Variants in CHL1 observed in about 807,000 individuals in gnomAD.
CHL1 encodes cell adhesion molecule L1 like.
A neutral mutation model predicts 141.9 loss-of-function variants in CHL1; 96 were observed. That is an observed-to-expected ratio of 0.68 (90% CI 0.57 to 0.80). The LOEUF (loss-of-function observed/expected upper bound fraction) is 0.80. Ranked by LOEUF, CHL1 falls within the 30% of genes least tolerant of loss-of-function variation. The pLI is 0.00. For missense variants in CHL1, 1,820 were observed against 1,457.2 expected (o/e 1.25, Z -4.05); for synonymous variants, 613 against 502.2 (o/e 1.22, Z -2.95).
intron 11 of CHL1, among the ~76,000 whole-genome samples, chr3:356,648 A>G (rs1703742143): frequency 6.6e-6 from 1 of 152,052 alleles, no homozygotes; most frequent in Admixed American, 6.6e-5. Context: ...TTTACCTTTG[A>G]GTGGAGATGG....
intron 1 of CHL1, chr3:213,303 A>G (rs569917356): frequency 6.6e-6 from 1 of 152,192 alleles, no homozygotes; most frequent in Admixed American, 6.5e-5. Flanking sequence ...GCGCTGATAG[A>G]CTGTTCAAGG....
At chr3:351,477 A>G (rs1703251825) in intron 10 of CHL1, among the ~76,000 whole-genome samples, 1 of 152,176 alleles carries the variant, frequency 6.6e-6, no homozygotes, top group African/African-American at 2.4e-5. Context: ...GGAGGTAATA[A>G]ATAAAAACTT....
At chr3:242,372 A>T (rs9878425) in intron 1 of CHL1, among the ~76,000 whole-genome samples, 3 of 143,610 alleles carry the variant, frequency 2.1e-5, no homozygotes, top group African/African-American at 7.8e-5. Flanking sequence ...TGAGGGGGGC[A>T]GATCACGAGG....
chr3:348,586 T>C (rs899996225), intron 9 of CHL1, among the ~76,000 whole-genome samples: 2 of 152,228 alleles, frequency 1.3e-5, no homozygotes, highest in Non-Finnish European at 2.9e-5. Context: ...CAGTCCTTTT[T>C]TCCTCCTTAC....
chr3:386,723 A>C lies in CHL1; in HGVS notation c.2248-2529A>C, dbSNP rs139548348. Among the ~76,000 whole-genome samples, 222 of 152,314 alleles carry C rather than the reference A, an allele frequency of 1.5e-3. 1 individual carries two copies. The highest frequency in any genetic ancestry group is 6.8e-3 in the Middle Eastern group (2 of 294). On this transcript the variant is annotated intron_variant, in intron 19 of 27. Transcript: ENST00000256509. ...CTGGTTATATAATCGCATCCAAGAT[A>C]GTTAACTCCTAATGGATCTAGGTTT...
chr3:296,434 C>CTT lies in CHL1; in HGVS notation c.-94-23242_-94-23241dup, dbSNP rs5845962. Among the ~76,000 whole-genome samples the CTT allele has an allele frequency of 1.9e-3, 294 of 151,654 alleles. 1 individual carries two copies. Among genetic ancestry groups the CTT allele is most frequent in the Non-Finnish European group, 3.2e-3 (215 of 67,944 alleles). On this transcript the variant is annotated intron_variant, in intron 2 of 27. Transcript: ENST00000256509. ...TAAATCCTGTCGCCTTTCTCTCATG[C>CTT]TTTTTTTTCTTCCCTTTGTAATCAC...
At chr3:250,990 A>AAT (rs1350552606) in intron 2 of CHL1, among the ~76,000 whole-genome samples, 58 of 152,176 alleles carry the variant, frequency 3.8e-4, no homozygotes, top group Non-Finnish European at 6.8e-4. Flanking sequence ...TCTTATCCTC[A>AAT]TGAAGCTTAT....
intron 14 of CHL1, 52 bp downstream of exon 14, chr3:363,435 G>A (rs1299038333): frequency 1.3e-6 from 2 of 1,487,494 alleles, no homozygotes; most frequent in East Asian, 2.3e-5. Flanking sequence ...GGTTCAGTCT[G>A]TCTTCATTTG....
chr3:339,217 C>T, intron 5 of CHL1, among the ~76,000 whole-genome samples: 1 of 152,190 alleles, frequency 6.6e-6, no homozygotes, highest in East Asian at 1.9e-4. Flanking sequence ...GATTTGGGTA[C>T]ATAAACGTTT....
intron 1 of CHL1, chr3:197,768 C>T (rs779810062): frequency 4.4e-6 from 2 of 455,630 alleles, no homozygotes; most frequent in Non-Finnish European, 4.4e-6. Context: ...GAGGGCGCGC[C>T]GGGGGCCGTG....
intron 10 of CHL1, among the ~76,000 whole-genome samples, chr3:350,385 C>G (rs551178722): frequency 1.3e-3 from 202 of 152,284 alleles, no homozygotes; most frequent in African/African-American, 4.6e-3. Context: ...GGCTTTCTAT[C>G]TACAATGTAG....
intron 2 of CHL1, among the ~76,000 whole-genome samples, chr3:263,500 A>C (rs1694906185): frequency 6.6e-6 from 1 of 152,198 alleles, no homozygotes; most frequent in African/African-American, 2.4e-5. Flanking sequence ...TGAAATGTTC[A>C]TTTGTTACTG....
intron 1 of CHL1, among the ~76,000 whole-genome samples, chr3:241,623 T>C (rs1239342423): frequency 1.3e-5 from 2 of 152,050 alleles, no homozygotes; most frequent in Admixed American, 1.3e-4. Flanking sequence ...TAGAGTTTAA[T>C]TTAACTAGTT....
At chr3:261,693 T>G (rs754680436) in intron 2 of CHL1, among the ~76,000 whole-genome samples, 3 of 152,136 alleles carry the variant, frequency 2.0e-5, no homozygotes, top group Non-Finnish European at 4.4e-5. Flanking sequence ...AGAATGAGTA[T>G]TTAGAAACAT....
intron 1 of CHL1, among the ~76,000 whole-genome samples, chr3:210,382 G>A (rs1054318402): frequency 6.6e-6 from 1 of 152,208 alleles, no homozygotes; most frequent in Non-Finnish European, 1.5e-5. Context: ...TGACAACTGA[G>A]GTAATATGGT....
intron 3 of CHL1, among the ~76,000 whole-genome samples, chr3:321,954 A>T (rs951253964): frequency 6.6e-6 from 1 of 152,080 alleles, no homozygotes; most frequent in African/African-American, 2.4e-5. Context: ...TCCCCAAATA[A>T]TTAGTTATTG....
chr3:292,606 A>G (rs3901552), intron 2 of CHL1, among the ~76,000 whole-genome samples: 41,858 of 152,110 alleles, frequency 0.28, 6,070 homozygotes, highest in Middle Eastern at 0.42. Flanking sequence ...TTGTATTGCT[A>G]TAAAGGAATA....
At chr3:281,244 A>T (rs1341666921) in intron 2 of CHL1, among the ~76,000 whole-genome samples, 4 of 152,194 alleles carry the variant, frequency 2.6e-5, no homozygotes, top group Non-Finnish European at 5.9e-5. Flanking sequence ...GTAATTGTGC[A>T]GTATCTCATA....
rs9824976 is a variant in CHL1, at chr3:211,779, A to G, written c.-175+14716A>G. On this transcript the variant is annotated intron_variant, in intron 1 of 27. Transcript: ENST00000256509. Reference sequence around the variant, plus strand: ...AACCCCAAAATGCTGTGCTATGATGAATTTAGTTCTGTATTGGTAATACTA... The same window carrying G: ...AACCCCAAAATGCTGTGCTATGATGGATTTAGTTCTGTATTGGTAATACTA... Among the ~76,000 whole-genome samples, 417 of 152,332 alleles carry G rather than the reference A, an allele frequency of 2.7e-3. 2 individuals carry two copies. Among genetic ancestry groups the G allele is most frequent in the African/African-American group, 9.4e-3 (390 of 41,570 alleles).
Sources: gnomAD v4.1 joint callset for allele counts (sites outside exome capture counted in the v4.1 genomes callset) on GRCh38, gnomAD v4.1.1 for gene constraint, MANE v1.5 for transcripts, NCBI Gene and HGNC (gene_info 2026-07-23, HGNC 2026-07-21) for gene names.